RLF: variants seen among roughly 807,000 people sequenced by gnomAD.
The protein encoded by RLF is zinc finger protein Rlf.
RLF carries 7 observed loss-of-function variants against 162.9 expected under a neutral mutation model. The ratio of observed to expected loss-of-function variants is 0.04; its 90% CI spans 0.02 to 0.08. RLF has a LOEUF of 0.08. Among genes scored for constraint, RLF ranks in the 10% least tolerant of loss-of-function variants. RLF has a pLI of 1.00. For synonymous variants in RLF, 782 were observed against 791.5 expected, an observed-to-expected ratio of 0.99 and a Z score of 0.20; for missense variants, 1,664 against 2,244.7, an observed-to-expected ratio of 0.74 and a Z score of 5.23.
intron 2 of RLF, among the ~76,000 whole-genome samples, chr1:40,189,654 G>A (rs978990114): frequency 6.6e-5 from 10 of 151,972 alleles, no homozygotes; most frequent in Non-Finnish European, 1.3e-4. Context: ...ATGATTTAGC[G>A]CGGGCATGGT....
chr1:40,177,082 G>C (rs1197364485), intron 1 of RLF, among the ~76,000 whole-genome samples: 1 of 151,730 alleles, frequency 6.6e-6, no homozygotes, highest in Non-Finnish European at 1.5e-5. Context: ...CCGCCTCACA[G>C]GTTCAAGCGA....
chr1:40,226,441 G>A (rs972315939), intron 6 of RLF, among the ~76,000 whole-genome samples: 4 of 152,152 alleles, frequency 2.6e-5, no homozygotes, highest in South Asian at 4.1e-4. Context: ...TTGATAGACT[G>A]GCCTTTGATT....
intron 5 of RLF, 66 bp downstream of exon 5, chr1:40,202,680 GGTTT>G: frequency 1.1e-6 from 1 of 949,130 alleles, no homozygotes; most frequent in East Asian, 3.2e-5. Context: ...TATATTGCAT[GGTTT>G]ATTTTTTCCC....
At chr1:40,182,133 A>G (rs1306375278) in intron 1 of RLF, among the ~76,000 whole-genome samples, 1 of 152,004 alleles carries the variant, frequency 6.6e-6, no homozygotes, top group Non-Finnish European at 1.5e-5. Context: ...CGGTTTAGGC[A>G]TTTAAAAAAA....
At chr1:40,164,797 T>A (rs973719985) in intron 1 of RLF, among the ~76,000 whole-genome samples, 5 of 152,220 alleles carry the variant, frequency 3.3e-5, no homozygotes, top group Admixed American at 2.6e-4. Flanking sequence ...ACTTTGAGAA[T>A]ACTGGGCAAA....
intron 1 of RLF, among the ~76,000 whole-genome samples, chr1:40,162,655 G>A (rs141607039): frequency 6.6e-6 from 1 of 152,142 alleles, no homozygotes; most frequent in Non-Finnish European, 1.5e-5. Flanking sequence ...TGTTGGTCCG[G>A]AGTAGAATAA....
intron 1 of RLF, among the ~76,000 whole-genome samples, chr1:40,163,332 G>A (rs1642122494): frequency 6.6e-6 from 1 of 152,098 alleles, no homozygotes; most frequent in Non-Finnish European, 1.5e-5. Context: ...AAGGAGAGGG[G>A]TGGTGCAGGA....
rs778527398 is a variant in RLF, at chr1:40,239,099, A to G, written c.4397A>G (p.Tyr1466Cys). ...CGCAGTAATTACTCACAACATGTAT[A>G]TTACCGACATAAAGACTATTATGAT... ...THRSNYSQHV[Y>C]YRHKDYYDDL... The change falls in exon 8 of 8, where the codon TAT becomes TGT. Residue 1466 changes from tyrosine to cysteine, a missense_variant. Around this residue, in one of 15 missense-constraint regions of RLF, gnomAD observed 200 missense variants for 207.3 expected, o/e 0.96. Coordinates refer to ENST00000372771, the MANE Select transcript of RLF (RefSeq NM_012421.4). 2 of 1,614,148 alleles carry G rather than the reference A, an allele frequency of 1.2e-6. No individual in the cohort carries two copies. The highest frequency in any genetic ancestry group is 2.2e-5 in the South Asian group (2 of 91,088).
rs1212773204 is a variant in RLF, at chr1:40,236,046, A to G, written c.1344A>G (p.Pro448=). Residue 448 remains proline (P), a synonymous_variant, in exon 8 of 8, where the codon CCA becomes CCG. Coordinates refer to ENST00000372771, the MANE Select transcript of RLF (RefSeq NM_012421.4). This position sits in a 1 kb window ranked among gnomAD's most constrained non-coding sequence, Gnocchi z 7.7. ...QKFDEENAPV[P]NSLRCELLLA... Reference sequence around the variant, plus strand: ...TTGATGAAGAAAATGCACCGGTTCCAAATTCTCTTCGATGTGAGCTCTTAC... The same window carrying G: ...TTGATGAAGAAAATGCACCGGTTCCGAATTCTCTTCGATGTGAGCTCTTAC... 2 of 1,613,796 alleles carry G rather than the reference A, an allele frequency of 1.2e-6. No individual in the cohort carries two copies.
intron 1 of RLF, among the ~76,000 whole-genome samples, chr1:40,169,775 C>T (rs1456537616): frequency 6.6e-6 from 1 of 150,476 alleles, no homozygotes; most frequent in African/African-American, 2.4e-5. Flanking sequence ...TCACTGCAAC[C>T]TCCGCCTCCC....
chr1:40,232,892 G>A (rs1643170586), intron 7 of RLF, among the ~76,000 whole-genome samples: 2 of 152,042 alleles, frequency 1.3e-5, no homozygotes, highest in Admixed American at 6.6e-5. Context: ...GCGGGGAGCA[G>A]TGGTAGATAC....
intron 6 of RLF, among the ~76,000 whole-genome samples, chr1:40,224,118 C>G (rs367818342): frequency 6.6e-5 from 10 of 152,164 alleles, no homozygotes; most frequent in Non-Finnish European, 1.5e-4. Flanking sequence ...CAGTCAGCCA[C>G]CATTCACTCT....
rs1642164056 is a variant in RLF, at chr1:40,166,272, C to G, written c.237+4636C>G. Among the ~76,000 whole-genome samples, 5 of 151,118 alleles carry G rather than the reference C, an allele frequency of 3.3e-5. No individual in the cohort carries two copies. The Admixed American group carries it at 3.3e-4, about 10-fold the overall frequency. On this transcript the variant is annotated intron_variant, in intron 1 of 7. Transcript: ENST00000372771. The stretch of plus-strand genomic sequence containing the variant: ...TCATGATACACACATGAGATAGACA[C>G]TTAAAACAGTACTTTAGGGGGAACC...
chr1:40,178,979 C>T (rs137917300), intron 1 of RLF, among the ~76,000 whole-genome samples: 7,345 of 152,092 alleles, frequency 0.048, 581 homozygotes, highest in African/African-American at 0.17. Flanking sequence ...GGACTACAGG[C>T]CTGTGCCACC....
At chr1:40,188,582 T>G (rs973181148) in intron 1 of RLF, among the ~76,000 whole-genome samples, 5 of 151,560 alleles carry the variant, frequency 3.3e-5, no homozygotes, top group Non-Finnish European at 4.4e-5. Flanking sequence ...TTAGCATAAA[T>G]TAACCCTTGG....
chr1:40,231,591 G>T lies in RLF; in HGVS notation c.1022G>T (p.Arg341Leu), dbSNP rs763434695. The change falls in exon 7 of 8, where the codon CGT (arginine) becomes CTT (leucine). Residue 341 changes from arginine to leucine, a missense_variant. Coordinates refer to ENST00000372771, the MANE Select transcript of RLF (RefSeq NM_012421.4). ...TTAGATACTTTTTTGGAGCGCTGTC[G>T]TCAGTTTGGTGTCATAGCTAAAACG... ...PSLDTFLERC[R>L]QFGVIAKTQQ... The T allele has an allele frequency of 1.9e-6, 3 of 1,614,048 alleles. No homozygotes were observed. In the East Asian group the frequency reaches 6.7e-5, roughly 36 times the overall value.
chr1:40,195,539 C>G (rs529396990), intron 3 of RLF, 93 bp from the exon 4 acceptor site: 1 of 964,944 alleles, frequency 1.0e-6, no homozygotes, highest in East Asian at 2.8e-5. Context: ...CAAATAGGTT[C>G]TTTCAATTCC....
At chr1:40,215,099 G>C (rs1266811927) in intron 5 of RLF, among the ~76,000 whole-genome samples, 2 of 151,866 alleles carry the variant, frequency 1.3e-5, no homozygotes, top group Non-Finnish European at 2.9e-5. Flanking sequence ...CCAGAAGAAA[G>C]AATCAGCAAA....
intron 5 of RLF, among the ~76,000 whole-genome samples, chr1:40,221,619 G>A (rs1642995943): frequency 2.0e-5 from 3 of 149,140 alleles, no homozygotes; most frequent in African/African-American, 4.9e-5. Context: ...AAAAAAAAAA[G>A]GCCGGGCACG....
Sources: gnomAD v4.1 joint callset for allele counts (sites outside exome capture counted in the v4.1 genomes callset) on GRCh38, gnomAD v4.1.1 for gene constraint, gnomAD v4.1.1 regional missense constraint, Gnocchi (gnomAD v3.1) non-coding constraint, MANE v1.5 for transcripts, NCBI Gene and HGNC (gene_info 2026-07-23, HGNC 2026-07-21) for gene names.